NUF2: variants seen among roughly 807,000 people sequenced by gnomAD.
The protein encoded by NUF2 is NUF2 component of NDC80 kinetochore complex.
NUF2 carries 34 observed loss-of-function variants against 61.8 expected under a neutral mutation model. That is an observed-to-expected ratio of 0.55 (90% CI 0.42 to 0.73). The LOEUF is 0.73. NUF2 is among the 30% of genes least tolerant of loss of function. NUF2 has a pLI of 0.00. For missense variants in NUF2, 445 were observed against 539.1 expected, an observed-to-expected ratio of 0.83 and a Z score of 1.73; for synonymous variants, 172 against 181.6, an observed-to-expected ratio of 0.95 and a Z score of 0.42.
intron 5 of NUF2, among the ~76,000 whole-genome samples, chr1:163,332,589 T>C (rs1268205371): frequency 6.6e-6 from 1 of 152,156 alleles, no homozygotes. Context: ...TTTCTTTGCC[T>C]TTTCTAGCTT....
chr1:163,338,986 G>T (rs564401413), intron 7 of NUF2, among the ~76,000 whole-genome samples: 1 of 152,122 alleles, frequency 6.6e-6, no homozygotes, highest in African/African-American at 2.4e-5. Flanking sequence ...ACTTGAACAC[G>T]TGTAAGTGTT....
intron 9 of NUF2, 49 bp from the exon 10 acceptor site, chr1:163,343,684 A>T: frequency 1.1e-6 from 1 of 922,200 alleles, no homozygotes; most frequent in Non-Finnish European, 1.5e-6. Context: ...CTAGAATGGT[A>T]AATCACCAAG....
chr1:163,336,911 A>T (rs1392010387), intron 6 of NUF2, 63 bp downstream of exon 6: 4 of 1,050,172 alleles, frequency 3.8e-6, no homozygotes, highest in Non-Finnish European at 5.9e-6. Flanking sequence ...TGAACTTATA[A>T]TCTGTTTTGA....
intron 8 of NUF2, 126 bp from the exon 9 acceptor site, chr1:163,340,237 GA>G: frequency 1.4e-6 from 1 of 700,824 alleles, no homozygotes; most frequent in South Asian, 1.8e-5. Context: ...CATGAACAGA[GA>G]AAGTTTGAAG....
At chr1:163,330,614 C>T (rs1368206154) in intron 5 of NUF2, among the ~76,000 whole-genome samples, 1 of 152,014 alleles carries the variant, frequency 6.6e-6, no homozygotes, top group Non-Finnish European at 1.5e-5. Context: ...CTGAAAAAGC[C>T]ATTTTGATTG....
intron 1 of NUF2, among the ~76,000 whole-genome samples, chr1:163,322,573 T>C (rs12086645): frequency 5.6e-4 from 85 of 152,380 alleles, no homozygotes; most frequent in African/African-American, 2.0e-3. Flanking sequence ...CATTGTTCCT[T>C]TTAAAAGTTC....
intron 11 of NUF2, 94 bp downstream of exon 11, chr1:163,345,912 A>G: frequency 1.2e-6 from 1 of 861,286 alleles, no homozygotes; most frequent in Non-Finnish European, 1.8e-6. Context: ...GTTTTCCTAA[A>G]GAAAAACAGG....
At chr1:163,342,234 C>CT (rs997904335) in intron 9 of NUF2, among the ~76,000 whole-genome samples, 52 of 150,928 alleles carry the variant, frequency 3.4e-4, no homozygotes, top group Admixed American at 1.2e-3. Context: ...ATTTTTCTAT[C>CT]TTTTTTTTTG....
chr1:163,346,072 T>A (rs944448332), intron 11 of NUF2: 1 of 239,714 alleles, frequency 4.2e-6, no homozygotes, highest in Admixed American at 5.1e-5. Context: ...TTTTGGAAAA[T>A]AGTACAGTAG....
chr1:163,327,416 G>T, intron 2 of NUF2, 72 bp from the exon 3 acceptor site: 1 of 777,708 alleles, frequency 1.3e-6, no homozygotes, highest in Non-Finnish European at 2.2e-6. Flanking sequence ...TTATAATATT[G>T]TATGGTAATG....
chr1:163,353,701 C>T (rs774812792), intron 13 of NUF2, among the ~76,000 whole-genome samples: 5 of 152,082 alleles, frequency 3.3e-5, no homozygotes, highest in South Asian at 2.1e-4. Context: ...AGAATTTAAT[C>T]GAAAATGCTA....
intron 7 of NUF2, 43 bp from the exon 8 acceptor site, chr1:163,339,338 C>T: frequency 8.1e-7 from 1 of 1,227,590 alleles, no homozygotes; most frequent in East Asian, 2.4e-5. Flanking sequence ...TTTAGCCTTT[C>T]AAAAGTGAAG....
At chr1:163,333,997 A>C (rs914985080) in intron 5 of NUF2, among the ~76,000 whole-genome samples, 1 of 152,100 alleles carries the variant, frequency 6.6e-6, no homozygotes, top group Non-Finnish European at 1.5e-5. Context: ...TGTAGTCTCC[A>C]GTGTCTGTTC....
At position 163,340,039 on chromosome 1, in the gene NUF2, C is replaced by T. The variant is rs77875657; in HGVS notation, c.607-325C>T. On this transcript the variant is annotated intron_variant, in intron 8 of 13. Coordinates refer to ENST00000271452, the MANE Select transcript of NUF2 (RefSeq NM_145697.3). ...AACGTACGTGAATTTATGCAGTGCC[C>T]AATAGGTACATACATCTAATTAGGA... Among the ~76,000 whole-genome samples, 1,288 of 152,108 alleles carry T rather than the reference C, an allele frequency of 8.5e-3. 17 individuals are homozygous for T. Among genetic ancestry groups the T allele is most frequent in the African/African-American group, 0.029 (1,211 of 41,500 alleles).
At chr1:163,333,193 A>T (rs920195154) in intron 5 of NUF2, among the ~76,000 whole-genome samples, 1 of 152,152 alleles carries the variant, frequency 6.6e-6, no homozygotes, top group East Asian at 1.9e-4. Context: ...TCTTGATGAC[A>T]TAGTCTTTGT....
At chr1:163,331,758 T>C (rs1271570607) in intron 5 of NUF2, among the ~76,000 whole-genome samples, 1 of 152,036 alleles carries the variant, frequency 6.6e-6, no homozygotes, top group East Asian at 1.9e-4. Flanking sequence ...ATTTTTAGGT[T>C]GGCAAATTTG....
At position 163,350,162 on chromosome 1, in the gene NUF2, C is replaced by T. The variant is rs533744794; in HGVS notation, c.1260+1082C>T. On this transcript the variant is annotated intron_variant, in intron 13 of 13. Coordinates refer to ENST00000271452, the MANE Select transcript of NUF2 (RefSeq NM_145697.3). ...TAAAAATACAGAAAAATTAGCCAGG[C>T]GTGGTGGTGGGTGCCTGTAGTCCCA... is the stretch of plus-strand genomic sequence containing the variant. Among the ~76,000 whole-genome samples, 489 of 151,724 alleles carry T rather than the reference C, an allele frequency of 3.2e-3. 2 individuals are homozygous for T. The highest frequency in any genetic ancestry group is 0.011 in the African/African-American group (474 of 41,358).
chr1:163,340,482 G>A (rs1053560148), intron 9 of NUF2, 56 bp downstream of exon 9: 288 of 1,286,348 alleles, frequency 2.2e-4, no homozygotes, highest in Non-Finnish European at 2.9e-4. Flanking sequence ...GTGTGGAGGA[G>A]TATTTTAGCT....
At chr1:163,345,654 G>C (rs1456477917) in intron 10 of NUF2, 24 bp from the exon 11 acceptor site, 6 of 1,593,266 alleles carry the variant, frequency 3.8e-6, no homozygotes, top group Non-Finnish European at 5.1e-6. Context: ...TCAAACTGTG[G>C]TCTCTGTTTT....
Sources: allele counts gnomAD v4.1 joint callset (sites outside exome capture counted in the v4.1 genomes callset), GRCh38; gene constraint gnomAD v4.1.1; transcripts MANE v1.5; gene names NCBI Gene and HGNC (gene_info 2026-07-23, HGNC 2026-07-21).